Variants in PDE7B observed in about 807,000 individuals in gnomAD.
The protein encoded by PDE7B is phosphodiesterase 7B, also known as 3',5'-cyclic-AMP phosphodiesterase 7B.
Under a neutral mutation model 56.2 loss-of-function variants are expected in PDE7B, and 29 were observed. That is an observed-to-expected ratio of 0.52 (90% CI 0.38 to 0.70). PDE7B has a LOEUF of 0.70. PDE7B is among the 30% of genes least tolerant of loss of function. The probability of loss-of-function intolerance (pLI) is 0.00; values close to 1 mark genes in which losing one functional copy is unlikely to be tolerated. For missense variants in PDE7B, 490 were observed against 565.0 expected, an observed-to-expected ratio of 0.87 and a Z score of 1.35; for synonymous variants, 197 against 196.9, an observed-to-expected ratio of 1.00 and a Z score of 0.00.
intron 3 of PDE7B, among the ~76,000 whole-genome samples, chr6:136,133,377 C>T (rs1472651253): frequency 6.6e-6 from 1 of 151,734 alleles, no homozygotes; most frequent in Admixed American, 6.6e-5. Flanking sequence ...TACCATCATT[C>T]TAAAGATGCA....
chr6:135,881,463 G>A (rs1030376259), intron 1 of PDE7B, among the ~76,000 whole-genome samples: 1 of 152,048 alleles, frequency 6.6e-6, no homozygotes, highest in Non-Finnish European at 1.5e-5. Context: ...AGCTGAGATC[G>A]TGCCACTGCA....
intron 2 of PDE7B, among the ~76,000 whole-genome samples, chr6:136,003,643 CT>C (rs1419093283): frequency 5.9e-5 from 9 of 152,192 alleles, no homozygotes; most frequent in African/African-American, 1.9e-4. Flanking sequence ...CCTCCCAAGA[CT>C]AAACCAGGAA....
intron 3 of PDE7B, among the ~76,000 whole-genome samples, chr6:136,129,297 G>C (rs1778075802): frequency 6.6e-6 from 1 of 152,162 alleles, no homozygotes; most frequent in Non-Finnish European, 1.5e-5. Context: ...TACAGCAATA[G>C]GATGGTGCTA....
At chr6:135,909,728 A>C (rs1036572108) in intron 1 of PDE7B, among the ~76,000 whole-genome samples, 1 of 152,148 alleles carries the variant, frequency 6.6e-6, no homozygotes, top group African/African-American at 2.4e-5. Context: ...AGAATTTTTA[A>C]CTGCTTTCTG....
chr6:135,997,649 A>T (rs2128205811), intron 2 of PDE7B, among the ~76,000 whole-genome samples: 1 of 152,166 alleles, frequency 6.6e-6, no homozygotes, highest in Admixed American at 6.5e-5. Context: ...TAGAAAAGAG[A>T]TGAATTTAAT....
At chr6:136,137,776 T>G (rs1007186658) in intron 3 of PDE7B, among the ~76,000 whole-genome samples, 2 of 152,118 alleles carry the variant, frequency 1.3e-5, no homozygotes, top group African/African-American at 2.4e-5. Context: ...ATTTTTGCAT[T>G]TAAGCCAACC....
At chr6:136,026,491 T>G (rs1461931009) in intron 2 of PDE7B, among the ~76,000 whole-genome samples, 3 of 152,190 alleles carry the variant, frequency 2.0e-5, no homozygotes, top group Non-Finnish European at 4.4e-5. Context: ...TAATTATTCT[T>G]CCTTTTCTTC....
chr6:135,968,643 C>T (rs1476201406), intron 2 of PDE7B, among the ~76,000 whole-genome samples: 1 of 152,100 alleles, frequency 6.6e-6, no homozygotes, highest in Non-Finnish European at 1.5e-5. Context: ...ACAACAGATG[C>T]TGGTGAGGCT....
At chr6:135,951,136 A>G (rs1229485497) in intron 2 of PDE7B, among the ~76,000 whole-genome samples, 1 of 152,164 alleles carries the variant, frequency 6.6e-6, no homozygotes, top group Non-Finnish European at 1.5e-5. Context: ...ACCAAATTGT[A>G]ATATATGTTG....
intron 2 of PDE7B, among the ~76,000 whole-genome samples, chr6:135,973,566 C>A (rs1306452484): frequency 6.6e-6 from 1 of 152,106 alleles, no homozygotes; most frequent in Non-Finnish European, 1.5e-5. Flanking sequence ...TTCCATAGCA[C>A]CTCACCATTG....
chr6:135,928,322 A>G (rs9767681), intron 1 of PDE7B, among the ~76,000 whole-genome samples: 39,287 of 149,660 alleles, frequency 0.26, 5,422 homozygotes, highest in South Asian at 0.4. Flanking sequence ...TCTTTCTACC[A>G]AAAAGGCACA....
chr6:135,954,223 G>A (rs1265698978), intron 2 of PDE7B, among the ~76,000 whole-genome samples: 2 of 152,148 alleles, frequency 1.3e-5, no homozygotes, highest in Non-Finnish European at 2.9e-5. Context: ...CAGAAGTAAG[G>A]ACTCCGTTTC....
chr6:136,173,552 A>G lies in PDE7B; in HGVS notation c.712-245A>G, dbSNP rs111541339. Among the ~76,000 whole-genome samples the G allele has an allele frequency of 1.5e-3, 234 of 152,308 alleles. 2 individuals are homozygous for G. Among genetic ancestry groups the G allele is most frequent in the African/African-American group, 5.4e-3 (225 of 41,576 alleles). ...GGCAGGAGTGAATGATGCTGGAAAT[A>G]GATCCTCATTCAACCCTGCAGCAGA... On this transcript the variant is annotated intron_variant, in intron 8 of 12. Coordinates refer to ENST00000308191, the MANE Select transcript of PDE7B (RefSeq NM_018945.4).
Position 136,124,411 on chromosome 6 carries a change from G to A in PDE7B, c.166+15597G>A, listed in dbSNP as rs143253844. On this transcript the variant is annotated intron_variant, in intron 3 of 12. Transcript: ENST00000308191. ...AATGGGACTGAGAAATATAAGCAAAGCATCGACAAAATAGTATATTGTTAG... is the reference window on the plus strand; with the variant it reads ...AATGGGACTGAGAAATATAAGCAAAACATCGACAAAATAGTATATTGTTAG... 7.3e-4 allele frequency among the ~76,000 whole-genome samples: 111 copies of A among 152,200 alleles called. 1 individual carries two copies. Among genetic ancestry groups the A allele is most frequent in the Middle Eastern group, 6.8e-3 (2 of 294 alleles).
intron 2 of PDE7B, among the ~76,000 whole-genome samples, chr6:136,009,218 T>C (rs1426653839): frequency 6.6e-6 from 1 of 151,960 alleles, no homozygotes; most frequent in Non-Finnish European, 1.5e-5. Context: ...ACCAGTACCA[T>C]GCTGTTTTGG....
intron 1 of PDE7B, among the ~76,000 whole-genome samples, chr6:135,903,973 A>C (rs1776051759): frequency 6.6e-6 from 1 of 152,104 alleles, no homozygotes; most frequent in African/African-American, 2.4e-5. Context: ...GAGTTGCTTT[A>C]TTTTTCCCTT....
At position 136,191,926 on chromosome 6, in the gene PDE7B, C is replaced by G; in HGVS notation, c.*86C>G. ...GTGGAGGGGCCCTCACGCAGCAGCCCAGCCACTTTCTGAGTGTTGTCCTGG... is the reference window on the plus strand; with the variant it reads ...GTGGAGGGGCCCTCACGCAGCAGCCGAGCCACTTTCTGAGTGTTGTCCTGG... On this transcript the variant is annotated 3_prime_UTR_variant, in exon 13 of 13. Transcript: ENST00000308191. 3 of 987,972 alleles carry G rather than the reference C, an allele frequency of 3.0e-6. No homozygotes were observed. Among genetic ancestry groups the G allele is most frequent in the Non-Finnish European group, 4.5e-6 (3 of 661,768 alleles). 61.2% of individuals were successfully genotyped at this position (987,972 alleles called of 1,614,324 possible). A position where few individuals can be genotyped will look rare whatever the true frequency, so the allele number is the denominator to read the frequency against.
chr6:135,999,024 G>A (rs1775620750), intron 2 of PDE7B, among the ~76,000 whole-genome samples: 1 of 152,080 alleles, frequency 6.6e-6, no homozygotes, highest in Non-Finnish European at 1.5e-5. Context: ...GAAGAGAACG[G>A]TGAATTTATC....
chr6:136,133,374 A>T (rs980776444), intron 3 of PDE7B, among the ~76,000 whole-genome samples: 1 of 152,126 alleles, frequency 6.6e-6, no homozygotes, highest in Non-Finnish European at 1.5e-5. Context: ...ATCTACCATC[A>T]TTCTAAAGAT....
Sources: gnomAD v4.1 joint callset for allele counts (sites outside exome capture counted in the v4.1 genomes callset) on GRCh38, gnomAD v4.1.1 for gene constraint, MANE v1.5 for transcripts, NCBI Gene and HGNC (gene_info 2026-07-23, HGNC 2026-07-21) for gene names.